RPL23A: variants seen among roughly 807,000 people sequenced by gnomAD.
RPL23A encodes ribosomal protein L23a.
In RPL23A, 2 loss-of-function variants were observed where a neutral mutation model predicts 17.6. The ratio of observed to expected loss-of-function variants is 0.11; its 90% CI spans 0.05 to 0.36. The LOEUF (loss-of-function observed/expected upper bound fraction) is 0.36, where lower values mean the gene tolerates loss of function less well. Ranked by LOEUF, RPL23A falls within the 10% of genes least tolerant of loss-of-function variation. RPL23A has a pLI of 1.00. For missense variants in RPL23A, 132 were observed against 194.4 expected (o/e 0.68, Z 1.91); for synonymous variants, 65 against 74.3 (o/e 0.87, Z 0.65).
chr17:28,723,657 C>T lies in RPL23A; in HGVS notation c.456+17C>T, dbSNP rs2034156415. On this transcript the variant is annotated intron_variant, in intron 4 of 4. Transcript: ENST00000422514. ...GCCAACAAAGTAAGTTTCCTTCCTA[C>T]AAACCCCTTAATGCTCACCCCTTGG... is the stretch of plus-strand genomic sequence containing the variant. 2 of 1,611,376 alleles carry T rather than the reference C, an allele frequency of 1.2e-6. No individual in the cohort carries two copies. Among genetic ancestry groups the T allele is most frequent in the East Asian group, 2.2e-5 (1 of 44,872 alleles).
rs2034156047 is a variant in RPL23A, at chr17:28,723,643, A to G, written c.456+3A>G. 1 of 1,613,538 alleles carries G rather than the reference A, an allele frequency of 6.2e-7. No homozygotes were observed. The highest frequency in any genetic ancestry group is 8.5e-7 in the Non-Finnish European group (1 of 1,179,480). ...ATGCTTTGGATGTTGCCAACAAAGTAAGTTTCCTTCCTACAAACCCCTTAA... is the reference window on the plus strand; with the variant it reads ...ATGCTTTGGATGTTGCCAACAAAGTGAGTTTCCTTCCTACAAACCCCTTAA... On this transcript the variant is annotated splice_donor_region_variant and intron_variant, in intron 4 of 4. Transcript: ENST00000422514.
At position 28,722,802 on chromosome 17, in the gene RPL23A, G is replaced by A. The variant is rs1210058590; in HGVS notation, c.289G>A (p.Val97Met). 2 of 1,613,150 alleles carry A rather than the reference G, an allele frequency of 1.2e-6. No individual in the cohort carries two copies. The highest frequency in any genetic ancestry group is 2.2e-5 in the South Asian group (2 of 91,062). ...MKKIEDNNTLVFIVDVKANKH... is the reference protein window; with the variant it reads ...MKKIEDNNTLMFIVDVKANKH... Reference sequence around the variant, plus strand: ...GAAGATAGAAGACAACAACACACTTGTGTTCATTGTGGATGTTAAAGCCAA... The same window carrying A: ...GAAGATAGAAGACAACAACACACTTATGTTCATTGTGGATGTTAAAGCCAA... The change falls in exon 3 of 5, where the codon GTG (valine) becomes ATG (methionine). Residue 97 changes from valine to methionine, a missense_variant. Around this residue, in one of 2 missense-constraint regions of RPL23A, gnomAD observed 69 missense variants for 145.5 expected, o/e 0.47. Transcript: ENST00000422514.
At position 28,721,439 on chromosome 17, in the gene RPL23A, G is replaced by C. The variant is rs75185732; in HGVS notation, c.209+549G>C. ...GGTCACGGTTTGAAAACTTATTTTG[G>C]GGGGAGTATAAAGTAGAATACAGAG... On this transcript the variant is annotated intron_variant, in intron 2 of 4. Coordinates refer to ENST00000422514, the MANE Select transcript of RPL23A (RefSeq NM_000984.6). 537 of 156,824 alleles carry C rather than the reference G, an allele frequency of 3.4e-3. 18 individuals carry two copies. The South Asian group carries it at 0.049, about 14-fold the overall frequency. 9.7% of individuals were successfully genotyped at this position (156,824 alleles called of 1,614,324 possible).
chr17:28,722,438 A>G (rs2034132055), intron 2 of RPL23A: 2 of 514,466 alleles, frequency 3.9e-6, no homozygotes, highest in Non-Finnish European at 7.6e-6. Flanking sequence ...CAGCCTCCCA[A>G]AGTGCTGGGA....
In RPL23A at chr17:28,720,104, CG is replaced by C; in HGVS notation, c.25+76del. ...CCGCAGAGCGAACGAATTGGGAACACGGCTGCTGGGCTAAGCCCTGAGGGCT... is the reference window on the plus strand; with the variant it reads ...CCGCAGAGCGAACGAATTGGGAACACGCTGCTGGGCTAAGCCCTGAGGGCT... On this transcript the variant is annotated intron_variant, in intron 1 of 4. Coordinates refer to ENST00000422514, the MANE Select transcript of RPL23A (RefSeq NM_000984.6). 7.8e-6 allele frequency: 12 copies of C among 1,539,028 alleles called. No individual in the cohort carries two copies. In the South Asian group the frequency reaches 1.3e-4, roughly 17 times the overall value.
At chr17:28,720,613 G>A (rs766997667) in intron 1 of RPL23A, 94 bp from the exon 2 acceptor site, 14 of 1,413,846 alleles carry the variant, frequency 9.9e-6, no homozygotes, top group Non-Finnish European at 1.4e-5. Context: ...AACCACTGAT[G>A]CACCTGTGGC....
At position 28,723,512 on chromosome 17, in the gene RPL23A, G is replaced by C. The variant is rs779077512; in HGVS notation, c.387-59G>C. 38 of 1,200,468 alleles carry C rather than the reference G, an allele frequency of 3.2e-5. No individual in the cohort carries two copies. The Admixed American group carries it at 4.9e-4, about 15-fold the overall frequency. 74.4% of individuals were successfully genotyped at this position (1,200,468 alleles called of 1,614,324 possible). On this transcript the variant is annotated intron_variant, in intron 3 of 4. Coordinates refer to ENST00000422514, the MANE Select transcript of RPL23A (RefSeq NM_000984.6). The stretch of plus-strand genomic sequence containing the variant: ...AAGTGCCGGAGGACTGGAGGAGGAA[G>C]GGGGAGGGTGTGGGGGCAGTGAGGG...
intron 2 of RPL23A, chr17:28,722,463 C>A (rs919201164): frequency 1.7e-6 from 1 of 589,288 alleles, no homozygotes; most frequent in African/African-American, 1.8e-5. Flanking sequence ...AGCCATGAGC[C>A]AGCACACCTG....
chr17:28,723,357 T>A, intron 3 of RPL23A: 1 of 747,308 alleles, frequency 1.3e-6, no homozygotes, highest in East Asian at 2.5e-5. Flanking sequence ...CAGATTACCT[T>A]GGTTTAAGTC....
chr17:28,720,427 TGG>T, intron 1 of RPL23A: 6 of 1,609,288 alleles, frequency 3.7e-6, no homozygotes, highest in Non-Finnish European at 5.1e-6. Flanking sequence ...GGTTTTGCGA[TGG>T]GGTATGTGTA....
intron 2 of RPL23A, chr17:28,721,108 T>C: frequency 2.2e-6 from 1 of 449,218 alleles, no homozygotes; most frequent in African/African-American, 2.0e-5. Context: ...TCCCAGCACT[T>C]TGGGAGGCCG....
Position 28,721,020 on chromosome 17 carries a change from TGAG to T in RPL23A, c.209+134_209+136del, listed in dbSNP as rs1597795771. ...CAGTGTGCTTCTCTAATTGGAAGTA[TGAG>T]GAGATTGTTTCTGCTGCATTTACAA... On this transcript the variant is annotated intron_variant, in intron 2 of 4. Coordinates refer to ENST00000422514, the MANE Select transcript of RPL23A (RefSeq NM_000984.6). 32 of 803,902 alleles carry T rather than the reference TGAG, an allele frequency of 4.0e-5. 1 individual carries two copies. The South Asian group carries it at 4.8e-4, about 12-fold the overall frequency. The allele number at this position is 803,902 out of a possible 1,614,324, so 49.8% of individuals were successfully genotyped here.
chr17:28,720,900 G>A lies in RPL23A; in HGVS notation c.209+10G>A. ...CTCCCAGGAGAAACAAGTCAGTACT[G>A]CCCCCTGTACCCATGAAAAGATTTG... On this transcript the variant is annotated intron_variant, in intron 2 of 4. Coordinates refer to ENST00000422514, the MANE Select transcript of RPL23A (RefSeq NM_000984.6). 6.2e-7 allele frequency: 1 copy of A among 1,611,768 alleles called. No homozygotes were observed. The highest frequency in any genetic ancestry group is 2.2e-5 in the East Asian group (1 of 44,866).
chr17:28,720,524 A>T (rs756791180), intron 1 of RPL23A, 183 bp from the exon 2 acceptor site: 16 of 1,504,084 alleles, frequency 1.1e-5, no homozygotes, highest in Middle Eastern at 1.7e-4. Context: ...AGTTACTTAG[A>T]GTTGGTCGCT....
intron 2 of RPL23A, 48 bp from the exon 3 acceptor site, chr17:28,722,675 T>A: frequency 6.6e-7 from 1 of 1,518,500 alleles, no homozygotes; most frequent in Non-Finnish European, 9.1e-7. Context: ...GGCTCTGGGC[T>A]CCAAAAGAAT....
rs372944738 is a variant in RPL23A, at chr17:28,720,049, G to A, written c.25+19G>A. On this transcript the variant is annotated intron_variant, in intron 1 of 4. Coordinates refer to ENST00000422514, the MANE Select transcript of RPL23A (RefSeq NM_000984.6). ...AAGGAAGGTGTGTGTTGGTGATGGG[G>A]CCGCAGCTGGTTTACCGGGGATTGC... is the stretch of plus-strand genomic sequence containing the variant. The A allele has an allele frequency of 4.6e-5, 71 of 1,551,338 alleles. 1 individual carries two copies. In the South Asian group the frequency reaches 6.8e-4, roughly 15 times the overall value.
At chr17:28,720,295 C>T in intron 1 of RPL23A, 7 of 1,550,024 alleles carry the variant, frequency 4.5e-6, no homozygotes, top group Non-Finnish European at 6.1e-6. Flanking sequence ...AAGCTACATG[C>T]ATCCACTGGT....
intron 2 of RPL23A, chr17:28,721,871 G>C (rs1239656682): frequency 6.6e-6 from 1 of 152,186 alleles, no homozygotes; most frequent in Admixed American, 6.5e-5. Flanking sequence ...CTAGAATCAA[G>C]TGTGACTTTA....
In RPL23A at chr17:28,723,681, G is replaced by C. The variant is rs773961599; in HGVS notation, c.456+41G>C. On this transcript the variant is annotated intron_variant, in intron 4 of 4. Coordinates refer to ENST00000422514, the MANE Select transcript of RPL23A (RefSeq NM_000984.6). ...ACAAACCCCTTAATGCTCACCCCTTGGGTGCAAATGATGCATATGTTAGCG... is the reference window on the plus strand; with the variant it reads ...ACAAACCCCTTAATGCTCACCCCTTCGGTGCAAATGATGCATATGTTAGCG... 1.9e-6 allele frequency: 3 copies of C among 1,575,154 alleles called. No individual in the cohort carries two copies. In the South Asian group the frequency reaches 3.3e-5, roughly 17 times the overall value.
Sources: gnomAD v4.1 joint callset for allele counts on GRCh38, gnomAD v4.1.1 for gene constraint, gnomAD v4.1.1 regional missense constraint, MANE v1.5 for transcripts, NCBI Gene and HGNC (gene_info 2026-07-23, HGNC 2026-07-21) for gene names.